Variants in DMRTB1 observed in about 807,000 individuals in gnomAD.
The protein encoded by DMRTB1 is doublesex- and mab-3-related transcription factor B1.
Under a neutral mutation model 25.2 loss-of-function variants are expected in DMRTB1, and 9 were observed. The observed-to-expected ratio is 0.36, with a 90% confidence interval of 0.22 to 0.62. The LOEUF is 0.62. Ranked by LOEUF, DMRTB1 falls within the 20% of genes least tolerant of loss-of-function variation. DMRTB1 has a pLI of 0.71. For missense variants in DMRTB1, 551 were observed against 499.3 expected (o/e 1.10, Z -0.99); for synonymous variants, 269 against 238.1 (o/e 1.13, Z -1.20).
rs768912441 is a variant in DMRTB1, at chr1:53,464,776, C to G, written c.890C>G (p.Pro297Arg). 8.1e-6 allele frequency: 13 copies of G among 1,613,458 alleles called. No individual in the cohort carries two copies. The highest frequency in any genetic ancestry group is 2.2e-5 in the East Asian group (1 of 44,878). Residue 297 changes from proline to arginine, a missense_variant, in exon 3 of 4, where the codon CCG becomes CGG. Pro to Arg is a moderately radical substitution (Grantham distance 103). Transcript: ENST00000371445. ...GYLSALHFLP[P>R]PPPPPPPSSF... ...CTCTCTGCGCTCCACTTCCTCCCCC[C>G]GCCACCGCCACCACCACCTCCATCA...
chr1:53,464,979 T>A (rs1209468282), intron 3 of DMRTB1, 132 bp downstream of exon 3: 1 of 1,260,360 alleles, frequency 7.9e-7, no homozygotes, highest in East Asian at 2.3e-5. Flanking sequence ...AGCCCTAGAA[T>A]GAGCTCCTTC....
At position 53,459,794 on chromosome 1, in the gene DMRTB1, G is replaced by A; in HGVS notation, c.341G>A (p.Arg114His). 5 of 1,409,100 alleles carry A rather than the reference G, an allele frequency of 3.5e-6. No individual in the cohort carries two copies. Among genetic ancestry groups the A allele is most frequent in the South Asian group, 1.4e-5 (1 of 70,718 alleles). 87.3% of individuals were successfully genotyped at this position (1,409,100 alleles called of 1,614,324 possible). The change falls in exon 1 of 4, where the codon CGC becomes CAC. Residue 114 changes from arginine (R) to histidine (H), a missense_variant. Physicochemically the swap from Arg to His is conservative, Grantham distance 29. Coordinates refer to ENST00000371445, the MANE Select transcript of DMRTB1 (RefSeq NM_033067.3). ...SGDADPGPEGRAAACFFEQPP... is the reference protein window; with the variant it reads ...SGDADPGPEGHAAACFFEQPP... ...GACGCCGACCCGGGACCCGAGGGCCGCGCGGCCGCTTGCTTCTTCGAGCAG... is the reference window on the plus strand; with the variant it reads ...GACGCCGACCCGGGACCCGAGGGCCACGCGGCCGCTTGCTTCTTCGAGCAG...
Position 53,459,686 on chromosome 1 carries a change from C to T in DMRTB1, c.233C>T (p.Ser78Phe), listed in dbSNP as rs1457302806. The T allele has an allele frequency of 6.6e-7, 1 of 1,514,576 alleles. No homozygotes were observed. Among genetic ancestry groups the T allele is most frequent in the Non-Finnish European group, 8.8e-7 (1 of 1,132,206 alleles). 93.8% of individuals were successfully genotyped at this position (1,514,576 alleles called of 1,614,324 possible). A position where few individuals can be genotyped will look rare whatever the true frequency, so the allele number is the denominator to read the frequency against. Residue 78 changes from serine to phenylalanine, a missense_variant, in exon 1 of 4, where the codon TCC (serine) becomes TTC (phenylalanine). By Grantham distance (155) the Ser-to-Phe change is radical. Transcript: ENST00000371445. Reference sequence around the variant, plus strand: ...TGTGCGCAGGGGCCCAAGCAGGCCTCCGGGGCTGCGGCCGCCGCCCCCGCC... The same window carrying T: ...TGTGCGCAGGGGCCCAAGCAGGCCTTCGGGGCTGCGGCCGCCGCCCCCGCC... ...ALCAQGPKQA[S>F]GAAAAAPAPV... is the part of the protein sequence containing the mutation.
At chr1:53,460,144 G>C in intron 1 of DMRTB1, 114 bp downstream of exon 1, 1 of 1,334,550 alleles carries the variant, frequency 7.5e-7, no homozygotes, top group Non-Finnish European at 9.7e-7. Flanking sequence ...CACGGGTAAC[G>C]GACCTTCCGC....
intron 2 of DMRTB1, among the ~76,000 whole-genome samples, chr1:53,463,224 T>C (rs1644030974): frequency 6.6e-6 from 1 of 152,212 alleles, no homozygotes; most frequent in African/African-American, 2.4e-5. Context: ...CTTTCATCCT[T>C]GTCCTGCTGC....
intron 2 of DMRTB1, among the ~76,000 whole-genome samples, chr1:53,462,114 C>T (rs757870016): frequency 2.6e-5 from 4 of 152,140 alleles, no homozygotes; most frequent in Admixed American, 6.5e-5. Flanking sequence ...ATGAAAAATA[C>T]GGAAACCTTC....
rs779900864 is a variant in DMRTB1 at position 53,464,758 on chromosome 1, C to T, written c.872C>T (p.Ala291Val). The change falls in exon 3 of 4, where the codon GCG (alanine) becomes GTG (valine). Residue 291 changes from alanine to valine, a missense_variant. Ala to Val is a moderately conservative substitution (Grantham distance 64). Coordinates refer to ENST00000371445, the MANE Select transcript of DMRTB1 (RefSeq NM_033067.3). ...PQFLPPGYLSALHFLPPPPPP... is the reference protein window; with the variant it reads ...PQFLPPGYLSVLHFLPPPPPP... ...TTCCTCCCGCCAGGCTACCTCTCTG[C>T]GCTCCACTTCCTCCCCCCGCCACCG... 32 of 1,613,094 alleles carry T rather than the reference C, an allele frequency of 2.0e-5. No individual in the cohort carries two copies. The highest frequency in any genetic ancestry group is 2.3e-5 in the Non-Finnish European group (27 of 1,179,384).
At chr1:53,463,928 T>C (rs534332400) in intron 2 of DMRTB1, among the ~76,000 whole-genome samples, 1 of 152,314 alleles carries the variant, frequency 6.6e-6, no homozygotes, top group East Asian at 1.9e-4. Flanking sequence ...GATCCTCTGA[T>C]GGGGCCCTGT....
chr1:53,460,254 C>CAT, intron 1 of DMRTB1: 1 of 583,480 alleles, frequency 1.7e-6, no homozygotes, highest in Non-Finnish European at 2.8e-6. Flanking sequence ...GGGCTTTTAA[C>CAT]ATTTAGCTGT....
In DMRTB1 at chr1:53,459,823, C is replaced by T. The variant is rs1644008415; in HGVS notation, c.370C>T (p.Pro124Ser). The T allele has an allele frequency of 6.8e-7, 1 of 1,462,670 alleles. No individual in the cohort carries two copies. The highest frequency in any genetic ancestry group is 3.0e-5 in the East Asian group (1 of 33,052). 90.6% of individuals were successfully genotyped at this position (1,462,670 alleles called of 1,614,324 possible). ...RAAACFFEQP[P>S]RGRNPGPRAL... is the part of the protein sequence containing the mutation. ...GGCCGCTTGCTTCTTCGAGCAGCCC[C>T]CGCGGGGCCGGAACCCCGGCCCGAG... The change falls in exon 1 of 4, where the codon CCG becomes TCG. Residue 124 changes from proline to serine, a missense_variant. Pro to Ser is a moderately conservative substitution (Grantham distance 74, BLOSUM62 -1). Coordinates refer to ENST00000371445, the MANE Select transcript of DMRTB1 (RefSeq NM_033067.3).
At chr1:53,461,179 G>A (rs115133635) in intron 1 of DMRTB1, among the ~76,000 whole-genome samples, 16 of 152,318 alleles carry the variant, frequency 1.1e-4, no homozygotes, top group Non-Finnish European at 2.4e-4. Flanking sequence ...GGAGGAGGAG[G>A]AGCTCGGCAC....
chr1:53,462,536 C>G (rs1008352465), intron 2 of DMRTB1, among the ~76,000 whole-genome samples: 8 of 152,240 alleles, frequency 5.3e-5, no homozygotes, highest in African/African-American at 1.9e-4. Context: ...TCATTTTCCA[C>G]TGATTCAAGG....
intron 1 of DMRTB1, 105 bp from the exon 2 acceptor site, chr1:53,461,368 T>C: frequency 1.6e-6 from 2 of 1,245,296 alleles, no homozygotes; most frequent in Non-Finnish European, 2.2e-6. Flanking sequence ...GGGGTGGGCT[T>C]TCTGTGCTTG....
chr1:53,466,485 T>G (rs1644050976), intron 3 of DMRTB1, 110 bp from the exon 4 acceptor site: 1 of 1,118,974 alleles, frequency 8.9e-7, no homozygotes, highest in South Asian at 1.4e-5. Context: ...AGCGAGACTC[T>G]GTCTCAAAAA....
intron 2 of DMRTB1, among the ~76,000 whole-genome samples, chr1:53,464,120 A>C (rs901620721): frequency 6.6e-6 from 1 of 152,160 alleles, no homozygotes; most frequent in African/African-American, 2.4e-5. Flanking sequence ...AAGTCACCAC[A>C]TGTGCCAGAC....
At chr1:53,463,773 T>G (rs1644035533) in intron 2 of DMRTB1, among the ~76,000 whole-genome samples, 1 of 152,194 alleles carries the variant, frequency 6.6e-6, no homozygotes. Flanking sequence ...CAGGACTCCA[T>G]GAAACTCAGC....
chr1:53,462,972 C>A (rs1644030091), intron 2 of DMRTB1, among the ~76,000 whole-genome samples: 1 of 152,258 alleles, frequency 6.6e-6, no homozygotes, highest in South Asian at 2.1e-4. Context: ...AGCCTGGCGT[C>A]CAGGGCAGCG....
chr1:53,459,799 G>A lies in DMRTB1; in HGVS notation c.346G>A (p.Ala116Thr), dbSNP rs1644008266. The A allele has an allele frequency of 2.8e-6, 4 of 1,421,638 alleles. No individual in the cohort carries two copies. Among genetic ancestry groups the A allele is most frequent in the Admixed American group, 2.9e-5 (1 of 34,152 alleles). The allele number at this position is 1,421,638 out of a possible 1,614,324, so 88.1% of individuals were successfully genotyped here. A position where few individuals can be genotyped will look rare whatever the true frequency, so the allele number is the denominator to read the frequency against. Reference protein sequence around the residue: ...DADPGPEGRAAACFFEQPPRG... With the variant: ...DADPGPEGRATACFFEQPPRG... ...CGACCCGGGACCCGAGGGCCGCGCG[G>A]CCGCTTGCTTCTTCGAGCAGCCCCC... The change falls in exon 1 of 4, where the codon GCC becomes ACC. Residue 116 changes from alanine (A) to threonine (T), a missense_variant. Ala to Thr is a moderately conservative substitution (Grantham distance 58, BLOSUM62 0). Transcript: ENST00000371445.
At chr1:53,463,840 C>T (rs776779569) in intron 2 of DMRTB1, among the ~76,000 whole-genome samples, 1 of 152,182 alleles carries the variant, frequency 6.6e-6, no homozygotes, top group Non-Finnish European at 1.5e-5. Context: ...GGAACTACAT[C>T]CAAAACTCAG....
Sources: gnomAD v4.1 joint callset for allele counts (sites outside exome capture counted in the v4.1 genomes callset) on GRCh38, gnomAD v4.1.1 for gene constraint, MANE v1.5 for transcripts, NCBI Gene and HGNC (gene_info 2026-07-23, HGNC 2026-07-21) for gene names.